The following KLRG1 variants were observed in gnomAD, a reference collection of about 807,000 sequenced individuals.
KLRG1 encodes the protein killer cell lectin like receptor G1.
A neutral mutation model predicts 21.8 loss-of-function variants in KLRG1; 16 were observed. The ratio of observed to expected loss-of-function variants is 0.73; its 90% CI spans 0.50 to 1.11. The LOEUF is 1.11. Among genes scored for constraint, KLRG1 ranks in the 50% most tolerant of loss-of-function variants. The pLI is 0.00. For missense variants in KLRG1, 173 were observed against 218.3 expected (o/e 0.79, Z 1.31); for synonymous variants, 69 against 75.9 (o/e 0.91, Z 0.47).
chr12:9,165,514 G>T, the KLRG1 span: 1 of 904,956 alleles, frequency 1.1e-6, no homozygotes, highest in Non-Finnish European at 1.7e-6. Context: ...ACTAGATTAT[G>T]TCCTGGGATC....
chr12:9,017,732 G>A, the KLRG1 span, among the ~76,000 whole-genome samples: 10 of 152,114 alleles, frequency 6.6e-5, no homozygotes, highest in South Asian at 6.2e-4. Flanking sequence ...TTTCACCACC[G>A]TTATTCAATA....
chr12:9,151,740 C>A, the KLRG1 span: 1 of 1,287,692 alleles, frequency 7.8e-7, no homozygotes, highest in Non-Finnish European at 1.1e-6. Context: ...AGATCTAGAG[C>A]AGATTGTAAT....
chr12:8,977,370 A>ATTTTTTTTTT (rs1229287155), intron 1 of KLRG1, among the ~76,000 whole-genome samples: 2 of 127,842 alleles, frequency 1.6e-5, no homozygotes, highest in Non-Finnish European at 1.6e-5. Flanking sequence ...TGCCTGGCTA[A>ATTTTTTTTTT]TTTTTTTTTT....
the KLRG1 span, among the ~76,000 whole-genome samples, chr12:9,182,802 A>G: frequency 6.6e-6 from 1 of 152,252 alleles, no homozygotes; most frequent in African/African-American, 2.4e-5. Flanking sequence ...GCCCACATTT[A>G]GTTGAATAAC....
chr12:9,044,221 A>G, the KLRG1 span, among the ~76,000 whole-genome samples: 1 of 152,336 alleles, frequency 6.6e-6, no homozygotes, highest in East Asian at 1.9e-4. Flanking sequence ...AATTGATGAA[A>G]TAGAAAAAAA....
chr12:9,005,213 G>A (rs771786779), intron 3 of KLRG1, among the ~76,000 whole-genome samples: 7 of 152,098 alleles, frequency 4.6e-5, no homozygotes, highest in Non-Finnish European at 8.8e-5. Context: ...GGGGGTGGGG[G>A]GCAAGGGGAG....
At chr12:9,060,090 C>T in the KLRG1 span, among the ~76,000 whole-genome samples, 11 of 147,690 alleles carry the variant, frequency 7.4e-5, no homozygotes, top group Admixed American at 4.1e-4. Flanking sequence ...CTGCAAGCTC[C>T]GCCTCCTGGG....
the KLRG1 span, among the ~76,000 whole-genome samples, chr12:9,034,350 C>T: frequency 6.2e-4 from 94 of 152,208 alleles, no homozygotes; most frequent in African/African-American, 2.0e-3. Context: ...CACTGCCAGT[C>T]ATGTAAAAAC....
chr12:8,998,568 G>C (rs574178955), intron 3 of KLRG1, among the ~76,000 whole-genome samples: 39 of 151,262 alleles, frequency 2.6e-4, no homozygotes, highest in African/African-American at 9.0e-4. Context: ...GCACACCTGT[G>C]GTCCCAGCTA....
the KLRG1 span, among the ~76,000 whole-genome samples, chr12:9,034,796 T>C: frequency 2.0e-5 from 3 of 152,216 alleles, no homozygotes; most frequent in Non-Finnish European, 4.4e-5. Flanking sequence ...ACTTATCCAT[T>C]AAAAAATTTG....
At chr12:9,185,815 T>TTTTCTTTTCTTTTCTTTTCTTTTCC in the KLRG1 span, among the ~76,000 whole-genome samples, 1 of 147,152 alleles carries the variant, frequency 6.8e-6, no homozygotes, top group Admixed American at 6.8e-5. Context: ...TTTTCTTTTC[T>TTTTCTTTTCTTTTCTTTTCTTTTCC]TTTTTTTTTT....
chr12:9,197,589 AAT>A, the KLRG1 span, among the ~76,000 whole-genome samples: 1 of 93,518 alleles, frequency 1.1e-5, no homozygotes, highest in Non-Finnish European at 1.9e-5. Flanking sequence ...GACATAATAT[AAT>A]ATATAAATAT....
At chr12:9,045,816 TAAAGA>T in the KLRG1 span, among the ~76,000 whole-genome samples, 1 of 151,542 alleles carries the variant, frequency 6.6e-6, no homozygotes, top group Non-Finnish European at 1.5e-5. Context: ...ATAGACCAGA[TAAAGA>T]AAATGTGGTA....
At chr12:9,071,401 G>T in the KLRG1 span, among the ~76,000 whole-genome samples, 1 of 151,288 alleles carries the variant, frequency 6.6e-6, no homozygotes, top group East Asian at 1.9e-4. Context: ...TTATTTTTTG[G>T]CATATATATA....
chr12:9,073,510 T>C, the KLRG1 span, among the ~76,000 whole-genome samples: 1 of 152,226 alleles, frequency 6.6e-6, no homozygotes, highest in Non-Finnish European at 1.5e-5. Flanking sequence ...CTTCAAATAA[T>C]ATGTTTCTAA....
the KLRG1 span, among the ~76,000 whole-genome samples, chr12:9,142,029 T>C: frequency 6.6e-6 from 1 of 152,208 alleles, no homozygotes; most frequent in Non-Finnish European, 1.5e-5. Context: ...TTTTCATGAC[T>C]TACATGGACA....
chr12:9,089,414 T>G, the KLRG1 span, among the ~76,000 whole-genome samples: 1 of 152,182 alleles, frequency 6.6e-6, no homozygotes, highest in African/African-American at 2.4e-5. Flanking sequence ...GGTAGTTCGA[T>G]GCATGAACAA....
chr12:9,205,398 T>C, the KLRG1 span, among the ~76,000 whole-genome samples: 3 of 152,192 alleles, frequency 2.0e-5, no homozygotes, highest in African/African-American at 7.2e-5. Flanking sequence ...ATCTGCCACA[T>C]GACAAGAATT....
chr12:9,036,123 T>C, the KLRG1 span, among the ~76,000 whole-genome samples: 1 of 152,328 alleles, frequency 6.6e-6, no homozygotes, highest in East Asian at 1.9e-4. Context: ...AACCTGCACA[T>C]GTACCCACTG....
Sources: gnomAD v4.1 joint callset for allele counts (sites outside exome capture counted in the v4.1 genomes callset) on GRCh38, gnomAD v4.1.1 for gene constraint, MANE v1.5 for transcripts, NCBI Gene and HGNC (gene_info 2026-07-23, HGNC 2026-07-21) for gene names.